PWWP3B: variants seen among roughly 807,000 people sequenced by gnomAD.
The protein encoded by PWWP3B is PWWP domain-containing DNA repair factor 3B.
PWWP3B carries 5 observed loss-of-function variants against 15.7 expected under a neutral mutation model. That is an observed-to-expected ratio of 0.32 (90% CI 0.17 to 0.67). The LOEUF (loss-of-function observed/expected upper bound fraction) is 0.67. PWWP3B is among the 30% of genes least tolerant of loss of function. The pLI is 0.74. For missense variants in PWWP3B, 519 were observed against 493.1 expected (o/e 1.05, Z -0.50); for synonymous variants, 203 against 179.8 (o/e 1.13, Z -1.03).
In PWWP3B at chrX:106,207,897, A is replaced by T. The variant is rs748395993; in HGVS notation, c.*374A>T. On this transcript the variant is annotated 3_prime_UTR_variant, in exon 4 of 4. Coordinates refer to ENST00000357175, the MANE Select transcript of PWWP3B (RefSeq NM_001171020.2). ...TAAAATTGCACTGGTGTTAGATATT[A>T]ACGAAGATGATTGGAAAAAAGTCTG... 1 of 133,111 alleles carries T rather than the reference A, an allele frequency of 7.5e-6. No homozygotes were observed. The highest frequency in any genetic ancestry group is 2.5e-4 in the East Asian group (1 of 3,979). The allele number at this position is 133,111 out of a possible 1,213,427, so 11.0% of individuals were successfully genotyped here. A position where few individuals can be genotyped will look rare whatever the true frequency, so the allele number is the denominator to read the frequency against.
chrX:106,179,824 C>T (rs1401814226), intron 2 of PWWP3B, among the ~76,000 whole-genome samples: 1 of 112,112 alleles, frequency 8.9e-6, no homozygotes, highest in Non-Finnish European at 1.9e-5. Context: ...GTAGCCATAA[C>T]ATTTTAAATT....
rs530637267 is a variant in PWWP3B at position 106,206,511 on chromosome X, T to G, written c.1079T>G (p.Leu360Arg). 8.3e-7 allele frequency: 1 copy of G among 1,206,160 alleles called. No homozygotes were observed. The highest frequency in any genetic ancestry group is 2.2e-5 in the Admixed American group (1 of 45,063). ...EEGQASDKSL[L>R]PSRINLSLLD... ...GGTCAAGCCTCTGACAAGTCATTGCTTCCAAGTCGCATTAATCTTTCTCTA... is the reference window on the plus strand; with the variant it reads ...GGTCAAGCCTCTGACAAGTCATTGCGTCCAAGTCGCATTAATCTTTCTCTA... The change falls in exon 4 of 4, where the codon CTT (leucine) becomes CGT (arginine). Residue 360 changes from leucine (L) to arginine (R), a missense_variant. Physicochemically the swap from Leu to Arg is moderately radical, Grantham distance 102. Coordinates refer to ENST00000357175, the MANE Select transcript of PWWP3B (RefSeq NM_001171020.2).
At chrX:106,191,501 C>T (rs1922958544) in intron 2 of PWWP3B, among the ~76,000 whole-genome samples, 1 of 111,404 alleles carries the variant, frequency 9.0e-6, no homozygotes. Flanking sequence ...GACAATTTGA[C>T]TTCCTCTTTT....
At chrX:106,183,341 A>G (rs1257853664) in intron 2 of PWWP3B, among the ~76,000 whole-genome samples, 2 of 111,629 alleles carry the variant, frequency 1.8e-5, no homozygotes, top group East Asian at 5.6e-4. Flanking sequence ...ATCCTGTAAT[A>G]CTTTATGAGC....
chrX:106,205,665 C>T lies in PWWP3B; in HGVS notation c.233C>T (p.Ala78Val). ...ASLGLQSEDS[A>V]PPTEETAYGR... ...TTAGGACTACAGTCAGAGGACAGTG[C>T]TCCACCTACAGAGGAAACTGCCTAT... Residue 78 changes from alanine (A) to valine (V), a missense_variant, in exon 4 of 4, where the codon GCT becomes GTT. Physicochemically the swap from Ala to Val is moderately conservative, Grantham distance 64. Coordinates refer to ENST00000357175, the MANE Select transcript of PWWP3B (RefSeq NM_001171020.2). 8.3e-7 allele frequency: 1 copy of T among 1,211,113 alleles called. No individual in the cohort carries two copies. Among genetic ancestry groups the T allele is most frequent in the Non-Finnish European group, 1.1e-6 (1 of 895,117 alleles).
chrX:106,195,271 C>T (rs748123303), intron 2 of PWWP3B, among the ~76,000 whole-genome samples: 3 of 111,368 alleles, frequency 2.7e-5, no homozygotes. Context: ...AAAAGTCCTT[C>T]ATCACATAGG....
At chrX:106,174,796 G>A (rs969363476) in intron 2 of PWWP3B, among the ~76,000 whole-genome samples, 5 of 111,385 alleles carry the variant, frequency 4.5e-5, no homozygotes, top group Admixed American at 9.5e-5. Flanking sequence ...CCTTGTAATC[G>A]TAGCATTTTG....
chrX:106,199,049 AT>A lies in PWWP3B; in HGVS notation c.-400-4919del, dbSNP rs776491785. ...TAAGAATTTTGTTATTTTCATTGTAATTTTTTTTTTTTTTTTTGAGACAGAG... is the reference window on the plus strand; with the variant it reads ...TAAGAATTTTGTTATTTTCATTGTAATTTTTTTTTTTTTTTTGAGACAGAG... On this transcript the variant is annotated intron_variant, in intron 2 of 3. Coordinates refer to ENST00000357175, the MANE Select transcript of PWWP3B (RefSeq NM_001171020.2). Among the ~76,000 whole-genome samples, 488 of 94,645 alleles carry A rather than the reference AT, an allele frequency of 5.2e-3. 3 individuals are homozygous for A. The highest frequency in any genetic ancestry group is 0.013 in the African/African-American group (348 of 26,117). 82.2% of individuals were successfully genotyped at this position (94,645 alleles called of 115,157 possible).
intron 2 of PWWP3B, among the ~76,000 whole-genome samples, chrX:106,194,733 T>C (rs868486180): frequency 2.1e-4 from 24 of 112,071 alleles, no homozygotes; most frequent in Middle Eastern, 9.2e-3. Context: ...TGGATGTCCT[T>C]TCTCTTTGTT....
Position 106,207,418 on chromosome X carries a change from A to G in PWWP3B, c.1986A>G (p.Ala662=), listed in dbSNP as rs1400974066. ...GGTTAGATTACGAGGCAGCTGAAGC[A>G]AAGTATCTAAAAGGACCATGTCTAG... ...VDGLDYEAAE[A]KYLKGPCLGY... is the part of the protein sequence containing the mutation. Residue 662 remains alanine, a synonymous_variant, in exon 4 of 4, where the codon GCA becomes GCG. Transcript: ENST00000357175. 2.6e-6 allele frequency: 3 copies of G among 1,166,475 alleles called. No individual in the cohort carries two copies. Among genetic ancestry groups the G allele is most frequent in the East Asian group, 3.2e-5 (1 of 30,801 alleles).
At position 106,205,289 on chromosome X, in the gene PWWP3B, C is replaced by A; in HGVS notation, c.-144C>A. 1 of 522,620 alleles carries A rather than the reference C, an allele frequency of 1.9e-6. No homozygotes were observed. Among genetic ancestry groups the A allele is most frequent in the Non-Finnish European group, 2.9e-6 (1 of 341,548 alleles). 43.1% of individuals were successfully genotyped at this position (522,620 alleles called of 1,213,427 possible). A position where few individuals can be genotyped will look rare whatever the true frequency, so the allele number is the denominator to read the frequency against. On this transcript the variant is annotated 5_prime_UTR_variant, in exon 4 of 4. Transcript: ENST00000357175. ...TGGAAAATTGAGGTGGAGAACAGGCCACACAAGCTGTAAACCCTTTGTAGT... is the reference window on the plus strand; with the variant it reads ...TGGAAAATTGAGGTGGAGAACAGGCAACACAAGCTGTAAACCCTTTGTAGT...
chrX:106,203,821 A>AT (rs1372408998), intron 2 of PWWP3B, among the ~76,000 whole-genome samples, 164 bp from the exon 3 acceptor site: 1 of 112,322 alleles, frequency 8.9e-6, no homozygotes, highest in Non-Finnish European at 1.9e-5. Flanking sequence ...AGCATTTCAA[A>AT]TTATAAAAAT....
Position 106,198,813 on chromosome X carries a change from C to CA in PWWP3B, c.-400-5164dup, listed in dbSNP as rs760381810. Reference sequence around the variant, plus strand: ...AATCTAGAAAATATCCAAAATAAAGCAAAAAAAATTTTAACATAATTATCA... The same window carrying CA: ...AATCTAGAAAATATCCAAAATAAAGCAAAAAAAAATTTTAACATAATTATCA... On this transcript the variant is annotated intron_variant, in intron 2 of 3. Coordinates refer to ENST00000357175, the MANE Select transcript of PWWP3B (RefSeq NM_001171020.2). 1.4e-3 allele frequency among the ~76,000 whole-genome samples: 148 copies of CA among 109,228 alleles called. 1 individual carries two copies. The highest frequency in any genetic ancestry group is 2.2e-3 in the Non-Finnish European group (113 of 52,481). The allele number at this position is 109,228 out of a possible 115,157, so 94.9% of individuals were successfully genotyped here.
chrX:106,197,148 G>A (rs150744747), intron 2 of PWWP3B, among the ~76,000 whole-genome samples: 55 of 111,776 alleles, frequency 4.9e-4, no homozygotes, highest in African/African-American at 1.8e-3. Flanking sequence ...TCTCCCCATG[G>A]CAGCTAACCT....
chrX:106,173,480 T>C (rs773218133), intron 2 of PWWP3B, among the ~76,000 whole-genome samples: 15 of 111,542 alleles, frequency 1.3e-4, no homozygotes, highest in African/African-American at 4.9e-4. Flanking sequence ...TATATTCTCA[T>C]CGTCTACCTT....
At chrX:106,184,356 G>A (rs1922382033) in intron 2 of PWWP3B, among the ~76,000 whole-genome samples, 1 of 111,497 alleles carries the variant, frequency 9.0e-6, no homozygotes, top group African/African-American at 3.3e-5. Context: ...CTGGAGAAAG[G>A]CAGAAGGATT....
intron 2 of PWWP3B, among the ~76,000 whole-genome samples, chrX:106,194,727 T>C (rs1292521147): frequency 1.8e-5 from 2 of 111,982 alleles, no homozygotes; most frequent in African/African-American, 6.5e-5. Flanking sequence ...TTGGTGTGGA[T>C]GTCCTTTCTC....
chrX:106,181,096 G>A (rs1340079540), intron 2 of PWWP3B, among the ~76,000 whole-genome samples: 2 of 112,016 alleles, frequency 1.8e-5, no homozygotes, highest in African/African-American at 6.5e-5. Flanking sequence ...GTGGTGGTGT[G>A]TCCAGAGTTG....
chrX:106,189,757 A>G (rs1922781888), intron 2 of PWWP3B, among the ~76,000 whole-genome samples: 1 of 108,439 alleles, frequency 9.2e-6, no homozygotes. Flanking sequence ...AGCTGGGACT[A>G]CAGGCGCCTG....
Sources: allele counts gnomAD v4.1 joint callset (sites outside exome capture counted in the v4.1 genomes callset), GRCh38; gene constraint gnomAD v4.1.1; transcripts MANE v1.5; gene names NCBI Gene and HGNC (gene_info 2026-07-23, HGNC 2026-07-21).